Variants in IPO9 observed in about 807,000 individuals in gnomAD.
IPO9 encodes the protein importin 9.
A neutral mutation model predicts 128.6 loss-of-function variants in IPO9; 28 were observed. That is an observed-to-expected ratio of 0.22 (90% CI 0.16 to 0.30). The LOEUF (loss-of-function observed/expected upper bound fraction) is 0.30, where lower values mean the gene tolerates loss of function less well. Ranked by LOEUF, IPO9 falls within the 10% of genes least tolerant of loss-of-function variation. The pLI, the probability that IPO9 is intolerant of heterozygous loss-of-function variation, is 1.00. For missense variants in IPO9, 935 were observed against 1,293.9 expected, an observed-to-expected ratio of 0.72 and a Z score of 4.26; for synonymous variants, 455 against 475.8, an observed-to-expected ratio of 0.96 and a Z score of 0.57.
chr1:201,840,304 C>G (rs900158886), intron 1 of IPO9, among the ~76,000 whole-genome samples: 2 of 152,192 alleles, frequency 1.3e-5, no homozygotes, highest in African/African-American at 4.8e-5. Flanking sequence ...TTCCTGGGCT[C>G]AAGTGATCTG....
chr1:201,835,914 A>G (rs2678205), intron 1 of IPO9, among the ~76,000 whole-genome samples: 148,205 of 151,734 alleles, frequency 0.98, 72,492 homozygotes, highest in East Asian at 1. Context: ...GATCAAGACC[A>G]TCCTGGCTAA....
At position 201,854,709 on chromosome 1, in the gene IPO9, C is replaced by T. The variant is rs187469467; in HGVS notation, c.805C>T (p.Leu269=). The change falls in exon 7 of 24, where the codon CTA becomes TTA. Residue 269 remains leucine, a synonymous_variant. Transcript: ENST00000361565. The part of the protein sequence containing the change: ...TSDSGFKMEV[L]KAVTALVKNF... The stretch of plus-strand genomic sequence containing the variant: ...TGACAGTGGGTTTAAGATGGAGGTC[C>T]TAAAGGTAAACACTTACTACCAATG... 5 of 1,614,080 alleles carry T rather than the reference C, an allele frequency of 3.1e-6. No individual in the cohort carries two copies. In the Admixed American group the frequency reaches 6.7e-5, roughly 22 times the overall value.
chr1:201,849,673 C>A (rs1680183303), intron 4 of IPO9, among the ~76,000 whole-genome samples: 1 of 152,194 alleles, frequency 6.6e-6, no homozygotes, highest in Non-Finnish European at 1.5e-5. Context: ...TTGTCAAATG[C>A]AAATCTTTCT....
In IPO9 at chr1:201,880,705, C is replaced by G. The variant is rs1680868384; in HGVS notation, c.*4651C>G. On this transcript the variant is annotated 3_prime_UTR_variant, in exon 24 of 24. Transcript: ENST00000361565. ...GGCTTTGGCCCTTTCCCTCAAGGAG[C>G]TAGTCTAGTAGGGGGTCAGAAATAC... The G allele has an allele frequency of 6.6e-6, 1 of 152,166 alleles. No individual in the cohort carries two copies. The highest frequency in any genetic ancestry group is 1.5e-5 in the Non-Finnish European group (1 of 68,024). The allele number at this position is 152,166 out of a possible 1,614,324, so 9.4% of individuals were successfully genotyped here. A position where few individuals can be genotyped will look rare whatever the true frequency, so the allele number is the denominator to read the frequency against.
At chr1:201,862,933 A>C (rs1680476298) in intron 13 of IPO9, among the ~76,000 whole-genome samples, 1 of 152,212 alleles carries the variant, frequency 6.6e-6, no homozygotes, top group African/African-American at 2.4e-5. Context: ...CAGAAGAGAC[A>C]AGGGAAAACT....
chr1:201,874,219 T>C lies in IPO9; in HGVS notation c.2711-31T>C, dbSNP rs778891008. On this transcript the variant is annotated intron_variant, in intron 20 of 23. Coordinates refer to ENST00000361565, the MANE Select transcript of IPO9 (RefSeq NM_018085.5). ...CTTCCAGAAGTAAGCTCAGTGACAC[T>C]CTGACTTGAAACCTTTTTCTTCCTT... is the stretch of plus-strand genomic sequence containing the variant. 1.9e-6 allele frequency: 3 copies of C among 1,611,912 alleles called. No individual in the cohort carries two copies. In the South Asian group the frequency reaches 3.3e-5, roughly 18 times the overall value.
intron 1 of IPO9, among the ~76,000 whole-genome samples, chr1:201,831,937 T>G (rs1679841871): frequency 6.6e-6 from 1 of 152,126 alleles, no homozygotes; most frequent in Non-Finnish European, 1.5e-5. Context: ...AGTCTCAGTC[T>G]GTCGCCCAGG....
In IPO9 at chr1:201,843,467, A is replaced by G. The variant is rs535536359; in HGVS notation, c.164-3812A>G. Among the ~76,000 whole-genome samples, 8 of 152,330 alleles carry G rather than the reference A, an allele frequency of 5.3e-5. No homozygotes were observed. In the South Asian group the frequency reaches 1.7e-3, roughly 32 times the overall value. On this transcript the variant is annotated intron_variant, in intron 1 of 23. Transcript: ENST00000361565. ...AGAAGTATCTTGTAAGTAAGAAGAGACTGTCTTTCACCTTTATCCTTCAGG... is the reference window on the plus strand; with the variant it reads ...AGAAGTATCTTGTAAGTAAGAAGAGGCTGTCTTTCACCTTTATCCTTCAGG...
At chr1:201,865,904 T>C (rs1680546851) in intron 14 of IPO9, among the ~76,000 whole-genome samples, 1 of 152,126 alleles carries the variant, frequency 6.6e-6, no homozygotes, top group Non-Finnish European at 1.5e-5. Context: ...CATTTCCCAC[T>C]TCTATTCTAA....
In IPO9 at chr1:201,880,862, T is replaced by C. The variant is rs559484025; in HGVS notation, c.*4808T>C. The C allele has an allele frequency of 5.3e-5, 8 of 152,356 alleles. No homozygotes were observed. The highest frequency in any genetic ancestry group is 1.3e-4 in the Admixed American group (2 of 15,306). The allele number at this position is 152,356 out of a possible 1,614,324, so 9.4% of individuals were successfully genotyped here. On this transcript the variant is annotated 3_prime_UTR_variant, in exon 24 of 24. Transcript: ENST00000361565. ...TCAGTACAGTATTCAATAAATTACA[T>C]GAGACATTCAACACTTTATTATAAA...
chr1:201,829,485 A>G, intron 1 of IPO9, 113 bp downstream of exon 1: 1 of 1,085,618 alleles, frequency 9.2e-7, no homozygotes, highest in East Asian at 3.5e-5. Flanking sequence ...GTGGGCGCCG[A>G]GAAGTGGAGC....
At position 201,852,114 on chromosome 1, in the gene IPO9, T is replaced by G. The variant is rs1002324936; in HGVS notation, c.525T>G (p.Arg175=). ...CTTTTTTCTTTGTAGAATTCACTCG[T>G]GAAGTAACAGACACACAGATGCCAC... ...GAMRVLTEFT[R]EVTDTQMPLV... The change falls in exon 5 of 24, where the codon CGT becomes CGG. Residue 175 remains arginine (R), a synonymous_variant. Coordinates refer to ENST00000361565, the MANE Select transcript of IPO9 (RefSeq NM_018085.5). 6.2e-7 allele frequency: 1 copy of G among 1,608,700 alleles called. No individual in the cohort carries two copies. The highest frequency in any genetic ancestry group is 1.3e-5 in the African/African-American group (1 of 74,796).
chr1:201,852,338 C>T, intron 5 of IPO9, 146 bp downstream of exon 5: 1 of 548,068 alleles, frequency 1.8e-6, no homozygotes, highest in Non-Finnish European at 3.3e-6. Context: ...CTGCATTAAC[C>T]TTAGACCTTT....
At chr1:201,867,882 T>A (rs1680584302) in intron 15 of IPO9, among the ~76,000 whole-genome samples, 2 of 152,218 alleles carry the variant, frequency 1.3e-5, no homozygotes, top group Non-Finnish European at 2.9e-5. Flanking sequence ...ACTGAGGAGC[T>A]TTCCACATTG....
At chr1:201,833,109 G>T (rs1369294050) in intron 1 of IPO9, among the ~76,000 whole-genome samples, 5 of 152,170 alleles carry the variant, frequency 3.3e-5, no homozygotes, top group African/African-American at 9.7e-5. Context: ...TCCAGAATGG[G>T]CACCTGTTCT....
chr1:201,859,193 A>ATTTATTCCTT (rs1462768971), intron 13 of IPO9, among the ~76,000 whole-genome samples, 199 bp downstream of exon 13: 2 of 138,778 alleles, frequency 1.4e-5, no homozygotes, highest in East Asian at 2.1e-4. Flanking sequence ...ATATATATAT[A>ATTTATTCCTT]TATATATATA....
intron 9 of IPO9, 41 bp downstream of exon 9, chr1:201,855,223 G>T: frequency 7.4e-7 from 1 of 1,350,962 alleles, no homozygotes; most frequent in Non-Finnish European, 1.1e-6. Flanking sequence ...ACCAGTTAGT[G>T]GGAAAAGAAA....
intron 14 of IPO9, among the ~76,000 whole-genome samples, chr1:201,865,042 G>GTC (rs1680523519): frequency 6.6e-6 from 1 of 152,112 alleles, no homozygotes; most frequent in African/African-American, 2.4e-5. Context: ...TGGATTCCTT[G>GTC]AAGCCTATCT....
At chr1:201,861,487 T>C (rs1680447372) in intron 13 of IPO9, among the ~76,000 whole-genome samples, 1 of 152,228 alleles carries the variant, frequency 6.6e-6, no homozygotes, top group African/African-American at 2.4e-5. Flanking sequence ...AACTTTACGC[T>C]AATGTAAGTG....
Sources: allele counts gnomAD v4.1 joint callset (sites outside exome capture counted in the v4.1 genomes callset), GRCh38; gene constraint gnomAD v4.1.1; transcripts MANE v1.5; gene names NCBI Gene and HGNC (gene_info 2026-07-23, HGNC 2026-07-21).